LIN7A: variants seen among roughly 807,000 people sequenced by gnomAD.
LIN7A encodes protein lin-7 homolog A.
Under a neutral mutation model 29.8 loss-of-function variants are expected in LIN7A, and 25 were observed. The ratio of observed to expected loss-of-function variants is 0.84; its 90% CI spans 0.61 to 1.17. LIN7A has a LOEUF of 1.17. Among genes scored for constraint, LIN7A ranks in the 50% most tolerant of loss-of-function variants. The pLI, the probability that LIN7A is intolerant of heterozygous loss-of-function variation, is 0.00. For synonymous variants in LIN7A, 118 were observed against 107.5 expected (o/e 1.10, Z -0.60); for missense variants, 239 against 287.0 (o/e 0.83, Z 1.21).
chr12:80,888,313 T>C (rs1386330692), intron 2 of LIN7A, among the ~76,000 whole-genome samples: 2 of 152,168 alleles, frequency 1.3e-5, no homozygotes, highest in African/African-American at 4.8e-5. Flanking sequence ...TTTGTATGTC[T>C]TTATCTTGGT....
rs530877505 is a variant in LIN7A at position 80,879,645 on chromosome 12, C to CAAAAAAAAAAA, written c.201+9595_201+9605dup. Reference sequence around the variant, plus strand: ...GCCCTGCTGTGTCTATGGAGCAGCCCAAAAAAAAAAAAAAAAAAAAAAAAA... The same window carrying CAAAAAAAAAAA: ...GCCCTGCTGTGTCTATGGAGCAGCCCAAAAAAAAAAAAAAAAAAAAAAAAAAAAAAAAAAAA... On this transcript the variant is annotated intron_variant, in intron 2 of 5. Transcript: ENST00000552864. Among the ~76,000 whole-genome samples, 17 of 58,742 alleles carry CAAAAAAAAAAA rather than the reference C, an allele frequency of 2.9e-4. 1 individual carries two copies. Among genetic ancestry groups the CAAAAAAAAAAA allele is most frequent in the African/African-American group, 1.4e-3 (15 of 10,930 alleles). 38.5% of individuals were successfully genotyped at this position (58,742 alleles called of 152,430 possible). A position where few individuals can be genotyped will look rare whatever the true frequency, so the allele number is the denominator to read the frequency against.
intron 2 of LIN7A, among the ~76,000 whole-genome samples, chr12:80,873,775 C>T (rs1874541934): frequency 6.6e-6 from 1 of 151,512 alleles, no homozygotes; most frequent in Admixed American, 6.6e-5. Flanking sequence ...AATCCCTCAC[C>T]TGGACTATTC....
intron 1 of LIN7A, among the ~76,000 whole-genome samples, chr12:80,904,276 C>T (rs920266877): frequency 4.6e-5 from 7 of 152,152 alleles, no homozygotes; most frequent in African/African-American, 9.6e-5. Flanking sequence ...TCCACATATG[C>T]ATCACCTCAC....
Position 80,805,418 on chromosome 12 carries a change from G to A in LIN7A, c.*6047C>T, listed in dbSNP as rs564431903. 2.0e-5 allele frequency among the ~76,000 whole-genome samples: 3 copies of A among 152,166 alleles called. No individual in the cohort carries two copies. The South Asian group carries it at 6.2e-4, about 32-fold the overall frequency. Reference sequence around the variant, plus strand: ...AGAAAATGGGGGGTCTTTAGAGTGGGAGGAAAAAGAGATTTGGTGAGGCTA... The same window carrying A: ...AGAAAATGGGGGGTCTTTAGAGTGGAAGGAAAAAGAGATTTGGTGAGGCTA... On this transcript the variant is annotated intron_variant, in intron 5 of 5. Transcript: ENST00000552864.
At position 80,795,041 on chromosome 12, in the gene LIN7A, G is replaced by A. The variant is rs567263339; in HGVS notation, c.*2686C>T. ...TCGTAGAAGTTTTTTAAATTATAACGTTTAATACCTAATTTGTTTATTACA... is the reference window on the plus strand; with the variant it reads ...TCGTAGAAGTTTTTTAAATTATAACATTTAATACCTAATTTGTTTATTACA... On this transcript the variant is annotated 3_prime_UTR_variant, in exon 6 of 6. Transcript: ENST00000552864. The A allele has an allele frequency of 9.2e-5, 14 of 152,144 alleles. No individual in the cohort carries two copies. In the South Asian group the frequency reaches 1.0e-3, roughly 11 times the overall value. 9.4% of individuals were successfully genotyped at this position (152,144 alleles called of 1,614,324 possible).
chr12:80,796,639 A>C lies in LIN7A; in HGVS notation c.*1088T>G, dbSNP rs1870461608. ...ATACTTGTTTATCTGAGAGTGCCAA[A>C]AATATCTGGTTTATATTTGGGGAAA... On this transcript the variant is annotated 3_prime_UTR_variant, in exon 6 of 6. Coordinates refer to ENST00000552864, the MANE Select transcript of LIN7A (RefSeq NM_004664.4). 6.6e-6 allele frequency: 1 copy of C among 152,154 alleles called. No homozygotes were observed. Among genetic ancestry groups the C allele is most frequent in the Non-Finnish European group, 1.5e-5 (1 of 68,008 alleles). The allele number at this position is 152,154 out of a possible 1,614,324, so 9.4% of individuals were successfully genotyped here.
chr12:80,884,328 T>G (rs914506789), intron 2 of LIN7A, among the ~76,000 whole-genome samples: 1 of 152,200 alleles, frequency 6.6e-6, no homozygotes, highest in African/African-American at 2.4e-5. Flanking sequence ...GCCTGGGTAA[T>G]GCTGATGTAC....
intron 2 of LIN7A, among the ~76,000 whole-genome samples, chr12:80,886,494 G>GA (rs71309555): frequency 0.68 from 103,348 of 151,912 alleles, 39,089 homozygotes; most frequent in Non-Finnish European, 0.87. Context: ...GAATAATAAA[G>GA]AAATTCCAAA....
At chr12:80,812,784 C>T (rs1871353220) in intron 4 of LIN7A, among the ~76,000 whole-genome samples, 1 of 152,148 alleles carries the variant, frequency 6.6e-6, no homozygotes, top group African/African-American at 2.4e-5. Context: ...CTCCTGACCT[C>T]AAGCGATCCA....
intron 1 of LIN7A, among the ~76,000 whole-genome samples, chr12:80,912,822 C>G (rs1876832314): frequency 6.6e-6 from 1 of 151,988 alleles, no homozygotes; most frequent in African/African-American, 2.4e-5. Context: ...ACGCCAGTCT[C>G]CAGAAAAATG....
chr12:80,854,592 C>G (rs1873505500), intron 2 of LIN7A, among the ~76,000 whole-genome samples: 1 of 150,632 alleles, frequency 6.6e-6, no homozygotes, highest in Admixed American at 6.6e-5. Context: ...CTGCCAGAGG[C>G]TAAGGGTGGG....
intron 1 of LIN7A, among the ~76,000 whole-genome samples, chr12:80,909,371 T>C (rs1163669): frequency 0.68 from 103,697 of 152,108 alleles, 39,229 homozygotes; most frequent in Non-Finnish European, 0.87. Flanking sequence ...TACTGTATCT[T>C]AATAGTAAGT....
chr12:80,838,217 C>A (rs1310803919), intron 4 of LIN7A, among the ~76,000 whole-genome samples: 1 of 152,150 alleles, frequency 6.6e-6, no homozygotes, highest in African/African-American at 2.4e-5. Flanking sequence ...GGCACTGACA[C>A]ACTATCAGCA....
chr12:80,840,956 A>T (rs1872778827), intron 4 of LIN7A, among the ~76,000 whole-genome samples: 1 of 152,172 alleles, frequency 6.6e-6, no homozygotes, highest in Admixed American at 6.5e-5. Flanking sequence ...AGAGAGCTTT[A>T]AGTGTTTAAA....
intron 2 of LIN7A, among the ~76,000 whole-genome samples, chr12:80,873,293 G>A (rs577367255): frequency 1.3e-5 from 2 of 152,248 alleles, no homozygotes; most frequent in Non-Finnish European, 2.9e-5. Context: ...ACTTTGGGAG[G>A]TAGAGCCGGG....
At chr12:80,842,351 G>A (rs1872862553) in intron 4 of LIN7A, among the ~76,000 whole-genome samples, 1 of 151,950 alleles carries the variant, frequency 6.6e-6, no homozygotes, top group South Asian at 2.1e-4. Flanking sequence ...ATCTTTGATT[G>A]TTTGTCTAGT....
At chr12:80,810,392 TCTGTGTG>T (rs1170117882) in intron 5 of LIN7A, among the ~76,000 whole-genome samples, 1 of 98,882 alleles carries the variant, frequency 1.0e-5, no homozygotes, top group African/African-American at 4.3e-5. Flanking sequence ...ATGGTATACA[TCTGTGTG>T]TGTGTGTGTG....
chr12:80,836,493 T>A (rs1018434033), intron 4 of LIN7A, among the ~76,000 whole-genome samples: 2 of 151,834 alleles, frequency 1.3e-5, no homozygotes, highest in Admixed American at 1.3e-4. Flanking sequence ...CCTGTTTCTA[T>A]CAAAAATACA....
intron 5 of LIN7A, among the ~76,000 whole-genome samples, chr12:80,803,252 TCA>T (rs1306881221): frequency 2.0e-5 from 3 of 152,196 alleles, no homozygotes; most frequent in Non-Finnish European, 2.9e-5. Context: ...TCTAGTAGTT[TCA>T]CAGTTTCAAG....
Sources: allele counts gnomAD v4.1 joint callset (sites outside exome capture counted in the v4.1 genomes callset), GRCh38; gene constraint gnomAD v4.1.1; transcripts MANE v1.5; gene names NCBI Gene and HGNC (gene_info 2026-07-23, HGNC 2026-07-21).